The following FAM117A variants were observed in gnomAD, a reference collection of about 807,000 sequenced individuals.
FAM117A encodes protein FAM117A.
Under a neutral mutation model 44.1 loss-of-function variants are expected in FAM117A, and 21 were observed. The ratio of observed to expected loss-of-function variants is 0.48; its 90% CI spans 0.34 to 0.69. The LOEUF is 0.69. Among genes scored for constraint, FAM117A ranks in the 30% least tolerant of loss-of-function variants. FAM117A has a pLI of 0.01. For missense variants in FAM117A, 498 were observed against 589.9 expected, an observed-to-expected ratio of 0.84 and a Z score of 1.61; for synonymous variants, 220 against 238.3, an observed-to-expected ratio of 0.92 and a Z score of 0.71.
chr17:49,720,306 G>T lies in FAM117A; in HGVS notation c.573+20C>A. The T allele has an allele frequency of 6.3e-7, 1 of 1,591,236 alleles. No homozygotes were observed. ...GCATGGAGGAGAACAGAGGGGAGAG[G>T]GCTGGGGGAGAAAACATACCCTCAG... On this transcript the variant is annotated intron_variant, in intron 4 of 7. Transcript: ENST00000240364.
chr17:49,782,238 G>T (rs1000423927), intron 1 of FAM117A, among the ~76,000 whole-genome samples: 1 of 151,712 alleles, frequency 6.6e-6, no homozygotes, highest in Admixed American at 6.6e-5. Flanking sequence ...ATTAGCCAGT[G>T]TGGTGGTGGG....
intron 1 of FAM117A, among the ~76,000 whole-genome samples, chr17:49,738,412 TA>T (rs2073619651): frequency 6.6e-6 from 1 of 151,362 alleles, no homozygotes; most frequent in Non-Finnish European, 1.5e-5. Context: ...AGAAAAGAAA[TA>T]AAAAGGGGAA....
intron 1 of FAM117A, among the ~76,000 whole-genome samples, chr17:49,738,941 C>T (rs1043912515): frequency 3.7e-4 from 57 of 152,100 alleles, no homozygotes; most frequent in Admixed American, 2.0e-4. Context: ...CAAACTTCCC[C>T]CAAATGCAAC....
intron 5 of FAM117A, among the ~76,000 whole-genome samples, chr17:49,718,975 A>C (rs1241267558): frequency 8.8e-6 from 1 of 113,838 alleles, no homozygotes; most frequent in Non-Finnish European, 1.7e-5. Context: ...AGACTCTCCA[A>C]AAAAAAAAAA....
At position 49,734,368 on chromosome 17, in the gene FAM117A, G is replaced by A. The variant is rs568518284; in HGVS notation, c.197-1648C>T. On this transcript the variant is annotated intron_variant, in intron 1 of 7. Coordinates refer to ENST00000240364, the MANE Select transcript of FAM117A (RefSeq NM_030802.4). ...AGCACTTTGGGAGGCCGAGGCAGGCGGATCACGAGGTCGGGAGATCGAGAC... is the reference window on the plus strand; with the variant it reads ...AGCACTTTGGGAGGCCGAGGCAGGCAGATCACGAGGTCGGGAGATCGAGAC... Among the ~76,000 whole-genome samples, 22 of 151,874 alleles carry A rather than the reference G, an allele frequency of 1.4e-4. No individual in the cohort carries two copies. The East Asian group carries it at 1.6e-3, about 11-fold the overall frequency.
intron 5 of FAM117A, 78 bp from the exon 6 acceptor site, chr17:49,717,792 T>A: frequency 2.5e-6 from 3 of 1,178,604 alleles, no homozygotes; most frequent in Non-Finnish European, 3.6e-6. Context: ...CAAGGGTATT[T>A]CCCTTGCTGC....
chr17:49,771,208 A>C (rs1441924076), intron 1 of FAM117A, among the ~76,000 whole-genome samples: 1 of 152,200 alleles, frequency 6.6e-6, no homozygotes, highest in African/African-American at 2.4e-5. Flanking sequence ...TCTCTGTCTC[A>C]ATAAATAAAT....
At chr17:49,749,322 A>T (rs1301769679) in intron 1 of FAM117A, among the ~76,000 whole-genome samples, 1 of 152,098 alleles carries the variant, frequency 6.6e-6, no homozygotes, top group Non-Finnish European at 1.5e-5. Flanking sequence ...TCACACCTGT[A>T]ATCCCAGCAC....
chr17:49,779,752 T>C (rs1019170793), intron 1 of FAM117A, among the ~76,000 whole-genome samples: 1 of 152,202 alleles, frequency 6.6e-6, no homozygotes, highest in Non-Finnish European at 1.5e-5. Flanking sequence ...ATACATATCC[T>C]TGATAGTTTT....
chr17:49,716,705 G>A (rs566661907), intron 6 of FAM117A, among the ~76,000 whole-genome samples: 1 of 152,240 alleles, frequency 6.6e-6, no homozygotes, highest in South Asian at 2.1e-4. Context: ...CCACAGTCTT[G>A]AAAATCTATC....
rs374371529 is a variant in FAM117A, at chr17:49,717,755, T to C, written c.709-41A>G. 1.8e-4 allele frequency: 274 copies of C among 1,515,920 alleles called. No homozygotes were observed. The African/African-American group carries it at 3.5e-3, about 19-fold the overall frequency. 93.9% of individuals were successfully genotyped at this position (1,515,920 alleles called of 1,614,324 possible). On this transcript the variant is annotated intron_variant, in intron 5 of 7. Coordinates refer to ENST00000240364, the MANE Select transcript of FAM117A (RefSeq NM_030802.4). ...GGTAAAGACTGTCAGCCCTGAGTAT[T>C]TCAGGCCTGCAGCAGCACAGTGACC...
intron 2 of FAM117A, chr17:49,724,373 CAG>C (rs774109379): frequency 8.8e-6 from 4 of 456,150 alleles, no homozygotes; most frequent in Middle Eastern, 3.2e-4. Flanking sequence ...TTCCCTTCCT[CAG>C]GGAAGATACT....
chr17:49,777,891 C>T (rs1324516884), intron 1 of FAM117A, among the ~76,000 whole-genome samples: 1 of 152,182 alleles, frequency 6.6e-6, no homozygotes, highest in Non-Finnish European at 1.5e-5. Context: ...AAGGGACCAA[C>T]AGGGTCTGTG....
At chr17:49,743,299 T>A (rs564429559) in intron 1 of FAM117A, among the ~76,000 whole-genome samples, 1 of 152,058 alleles carries the variant, frequency 6.6e-6, no homozygotes, top group South Asian at 2.1e-4. Context: ...GAGAACAATT[T>A]AAAAATCAGG....
At chr17:49,775,441 T>C (rs2073773140) in intron 1 of FAM117A, among the ~76,000 whole-genome samples, 1 of 152,210 alleles carries the variant, frequency 6.6e-6, no homozygotes, top group African/African-American at 2.4e-5. Context: ...CTCAACAAAA[T>C]GGCCTTGGCA....
intron 5 of FAM117A, 60 bp downstream of exon 5, chr17:49,719,700 C>T (rs879810024): frequency 3.8e-5 from 56 of 1,480,596 alleles, no homozygotes; most frequent in Admixed American, 7.6e-5. Flanking sequence ...CCCAGTTCCC[C>T]TCGCCCAGGC....
chr17:49,716,425 G>A (rs2073503744), intron 6 of FAM117A, 110 bp from the exon 7 acceptor site: 1 of 962,354 alleles, frequency 1.0e-6, no homozygotes. Flanking sequence ...TGGTAAGGAA[G>A]AGGGTAGCGG....
At chr17:49,788,969 C>T (rs2073845460), upstream of FAM117A, 2 of 924,212 alleles carry the variant, frequency 2.2e-6, no homozygotes. Context: ...GAACCTTGTT[C>T]AGCTACCCTC....
intron 2 of FAM117A, among the ~76,000 whole-genome samples, chr17:49,726,856 T>C (rs1033064918): frequency 3.3e-5 from 5 of 151,986 alleles, no homozygotes; most frequent in African/African-American, 1.2e-4. Flanking sequence ...GGTGCATATC[T>C]GTAGTCCCAG....
Sources: gnomAD v4.1 joint callset for allele counts (sites outside exome capture counted in the v4.1 genomes callset) on GRCh38, gnomAD v4.1.1 for gene constraint, MANE v1.5 for transcripts, NCBI Gene and HGNC (gene_info 2026-07-23, HGNC 2026-07-21) for gene names.